Variants in PARVB observed in about 807,000 individuals in gnomAD.
PARVB encodes the protein parvin beta.
In PARVB, 46 loss-of-function variants were observed where a neutral mutation model predicts 47.0. The observed-to-expected ratio is 0.98, with a 90% CI of 0.77 to 1.25. The LOEUF is 1.25. PARVB is among the 50% of genes most tolerant of loss of function. The pLI, the probability that PARVB is intolerant of heterozygous loss-of-function variation, is 0.00. For synonymous variants in PARVB, 196 were observed against 196.3 expected (o/e 1.00, Z 0.01); for missense variants, 473 against 471.6 (o/e 1.00, Z -0.03).
intron 1 of PARVB, among the ~76,000 whole-genome samples, chr22:44,062,368 T>TG (rs2051435656): frequency 6.6e-6 from 1 of 152,174 alleles, no homozygotes; most frequent in African/African-American, 2.4e-5. Flanking sequence ...CCAGGCACGG[T>TG]GGCTCAAGCC....
intron 2 of PARVB, among the ~76,000 whole-genome samples, chr22:44,014,250 C>CT (rs1360535902): frequency 1.3e-5 from 2 of 152,222 alleles, no homozygotes; most frequent in African/African-American, 4.8e-5. Context: ...GGGAGGTTGA[C>CT]TGAGATCACA....
At chr22:44,154,818 G>C (rs1317635501) in intron 10 of PARVB, among the ~76,000 whole-genome samples, 3 of 142,554 alleles carry the variant, frequency 2.1e-5, no homozygotes, top group African/African-American at 5.3e-5. Flanking sequence ...AGTTTTTGTA[G>C]TCTGTGTGGT....
intron 1 of PARVB, among the ~76,000 whole-genome samples, chr22:44,034,301 ATG>A (rs199774950): frequency 9.3e-5 from 11 of 118,562 alleles, no homozygotes; most frequent in East Asian, 2.1e-4. Flanking sequence ...ATACATATAT[ATG>A]TTTGAGATGG....
At chr22:44,152,661 T>C (rs2053836141) in intron 10 of PARVB, 1 of 152,220 alleles carries the variant, frequency 6.6e-6, no homozygotes, top group African/African-American at 2.4e-5. Flanking sequence ...TCAAGTCTAC[T>C]TCCCCAGCCC....
chr22:44,058,983 G>A (rs575371726), intron 1 of PARVB, among the ~76,000 whole-genome samples: 2 of 151,480 alleles, frequency 1.3e-5, no homozygotes, highest in African/African-American at 2.4e-5. Flanking sequence ...GGTGTGATGG[G>A]GGGGGGAAAC....
intron 2 of PARVB, among the ~76,000 whole-genome samples, chr22:44,007,092 G>A (rs1368056133): frequency 2.6e-5 from 4 of 152,240 alleles, no homozygotes; most frequent in Non-Finnish European, 4.4e-5. Flanking sequence ...ACTGTCAGTG[G>A]CCACTACCTT....
chr22:44,035,634 G>C (rs1467960718), intron 1 of PARVB, among the ~76,000 whole-genome samples: 2 of 151,940 alleles, frequency 1.3e-5, no homozygotes, highest in Non-Finnish European at 2.9e-5. Context: ...GCCTCCCAAA[G>C]TGCTGGGATT....
chr22:44,153,441 C>T (rs1197970769), intron 10 of PARVB: 1 of 152,034 alleles, frequency 6.6e-6, no homozygotes, highest in Non-Finnish European at 1.5e-5. Flanking sequence ...CAATTCTCCT[C>T]CCTCAGCCTC....
At chr22:44,084,582 T>C (rs751163357) in intron 1 of PARVB, among the ~76,000 whole-genome samples, 5 of 152,216 alleles carry the variant, frequency 3.3e-5, no homozygotes, top group Non-Finnish European at 7.3e-5. Flanking sequence ...CTTGGTTCTT[T>C]CCGCTGCGTT....
At chr22:44,132,764 C>T in intron 5 of PARVB, 130 bp from the exon 6 acceptor site, 1 of 604,786 alleles carries the variant, frequency 1.7e-6, no homozygotes, top group Non-Finnish European at 3.0e-6. Flanking sequence ...CTTGATTTGT[C>T]CACACTTCGC....
intron 1 of PARVB, among the ~76,000 whole-genome samples, chr22:44,027,083 G>A (rs1453040643): frequency 1.3e-5 from 2 of 152,072 alleles, no homozygotes; most frequent in Non-Finnish European, 2.9e-5. Flanking sequence ...GTGGTGGCCT[G>A]GGTCAGAAAA....
intron 1 of PARVB, among the ~76,000 whole-genome samples, chr22:44,069,414 C>T (rs1288410816): frequency 6.6e-6 from 1 of 152,030 alleles, no homozygotes; most frequent in Non-Finnish European, 1.5e-5. Flanking sequence ...CTGCTGGGGG[C>T]GAGTAGATCA....
At chr22:44,022,188 G>A (rs2050658092), upstream of PARVB, among the ~76,000 whole-genome samples, 1 of 152,076 alleles carries the variant, frequency 6.6e-6, no homozygotes. Context: ...TCCAAACTGT[G>A]AGAGAAGACG....
Position 44,125,098 on chromosome 22 carries a change from C to A in PARVB, c.376+5958C>A, listed in dbSNP as rs759842724. On this transcript the variant is annotated intron_variant, in intron 4 of 12. Coordinates refer to ENST00000338758, the MANE Select transcript of PARVB (RefSeq NM_013327.5). This position sits in a 1 kb window ranked among gnomAD's most constrained non-coding sequence, Gnocchi z 4.1. Reference sequence around the variant, plus strand: ...GATGAGGTGCTGGGGAGGCCATGTCCCATAACTCACTCTGAAGGACACAGT... The same window carrying A: ...GATGAGGTGCTGGGGAGGCCATGTCACATAACTCACTCTGAAGGACACAGT... 2.6e-5 allele frequency among the ~76,000 whole-genome samples: 4 copies of A among 152,000 alleles called. No homozygotes were observed. Among genetic ancestry groups the A allele is most frequent in the Admixed American group, 6.6e-5 (1 of 15,260 alleles).
chr22:44,165,071 C>G (rs1034105187), intron 12 of PARVB, among the ~76,000 whole-genome samples: 2 of 152,204 alleles, frequency 1.3e-5, no homozygotes, highest in African/African-American at 2.4e-5. Context: ...CAGCTCACTG[C>G]AACCTCTTCC....
Position 44,089,063 on chromosome 22 carries a change from C to T in PARVB, c.113-4865C>T, listed in dbSNP as rs556067340. ...CTGCAGCCTGCACTTCCCACTCTGC[C>T]ATCCCGGGCTGAGCGAGGAGTGCCC... On this transcript the variant is annotated intron_variant, in intron 1 of 12. Coordinates refer to ENST00000338758, the MANE Select transcript of PARVB (RefSeq NM_013327.5). The surrounding 1 kb of genome is among the most constrained non-coding windows in gnomAD (Gnocchi z 4.0). 5.3e-5 allele frequency among the ~76,000 whole-genome samples: 8 copies of T among 152,312 alleles called. No homozygotes were observed. The East Asian group carries it at 9.6e-4, about 18-fold the overall frequency.
At position 44,011,503 on chromosome 22, in the gene PARVB, C is replaced by T. The variant is rs189583773; in HGVS notation, c.211+11830C>T. Among the ~76,000 whole-genome samples the T allele has an allele frequency of 1.4e-4, 22 of 152,010 alleles. No individual in the cohort carries two copies. In the East Asian group the frequency reaches 3.7e-3, roughly 26 times the overall value. ...GTGCATGCCTGTAATCCCAGCTGCT[C>T]GGGAGGCTGAGGCAAGAACATTGTA... On this transcript the variant is annotated intron_variant, in intron 2 of 13. Transcript: ENST00000406477.
At chr22:44,003,775 C>T (rs2146843153) in intron 2 of PARVB, among the ~76,000 whole-genome samples, 1 of 152,330 alleles carries the variant, frequency 6.6e-6, no homozygotes, top group African/African-American at 2.4e-5. Context: ...GGACATTGGG[C>T]CAGGTGCAGG....
chr22:44,127,889 A>G (rs2147149847), intron 4 of PARVB, among the ~76,000 whole-genome samples: 1 of 151,758 alleles, frequency 6.6e-6, no homozygotes, highest in South Asian at 2.1e-4. Context: ...GGCTTGGATG[A>G]TCTTCCCACC....
Sources: allele counts gnomAD v4.1 joint callset (sites outside exome capture counted in the v4.1 genomes callset), GRCh38; gene constraint gnomAD v4.1.1; non-coding constraint Gnocchi (gnomAD v3.1); transcripts MANE v1.5; gene names NCBI Gene and HGNC (gene_info 2026-07-23, HGNC 2026-07-21).